Variants in GSE1 observed in about 807,000 individuals in gnomAD.
GSE1 encodes the protein genetic suppressor element 1.
A neutral mutation model predicts 112.6 loss-of-function variants in GSE1; 32 were observed. The ratio of observed to expected loss-of-function variants is 0.28; its 90% CI spans 0.21 to 0.38. GSE1 has a LOEUF of 0.38. Among genes scored for constraint, GSE1 ranks in the 10% least tolerant of loss-of-function variants. The pLI is 1.00. For synonymous variants in GSE1, 1,115 were observed against 735.6 expected (o/e 1.52, Z -8.35); for missense variants, 2,348 against 1,699.2 (o/e 1.38, Z -6.71).
intron 2 of GSE1, among the ~76,000 whole-genome samples, chr16:85,457,651 G>T (rs1483022503): frequency 6.6e-6 from 1 of 152,214 alleles, no homozygotes; most frequent in Non-Finnish European, 1.5e-5. Context: ...GAAGCTGCCA[G>T]CCAGGTCCTC....
chr16:85,669,302 A>T (rs1165276530), intron 14 of GSE1, among the ~76,000 whole-genome samples: 2 of 152,176 alleles, frequency 1.3e-5, no homozygotes, highest in African/African-American at 4.8e-5. Flanking sequence ...GTCCTAGAGG[A>T]CTCTTTATCA....
intron 1 of GSE1, among the ~76,000 whole-genome samples, chr16:85,618,456 G>T (rs749615012): frequency 6.6e-5 from 10 of 152,202 alleles, no homozygotes; most frequent in African/African-American, 2.4e-4. Context: ...GTGTCGATCA[G>T]TGCATCTGAC....
In GSE1 at chr16:85,648,636, C is replaced by T; in HGVS notation, c.311C>T (p.Pro104Leu). Residue 104 changes from proline to leucine, a missense_variant, in exon 3 of 16, where the codon CCC (proline) becomes CTC (leucine). Transcript: ENST00000253458. ...CCCGCCAGCACACCCAAGCGCGTGC[C>T]CATGGGCCCTATCATCGTCCCCCCT... ...SSPASTPKRVPMGPIIVPPGG... is the reference protein window; with the variant it reads ...SSPASTPKRVLMGPIIVPPGG... 1 of 1,603,916 alleles carries T rather than the reference C, an allele frequency of 6.2e-7. No homozygotes were observed. Among genetic ancestry groups the T allele is most frequent in the Non-Finnish European group, 8.5e-7 (1 of 1,172,986 alleles).
intron 1 of GSE1, chr16:85,283,637 C>G (rs895275439): frequency 6.6e-6 from 1 of 152,278 alleles, no homozygotes; most frequent in Non-Finnish European, 1.5e-5. Context: ...GTTTGATGCA[C>G]GCTGCAACCT....
At chr16:85,267,872 C>G (rs993801873) in intron 1 of GSE1, among the ~76,000 whole-genome samples, 3 of 152,212 alleles carry the variant, frequency 2.0e-5, no homozygotes, top group African/African-American at 7.2e-5. Flanking sequence ...GATTCAAACC[C>G]CAGCTCTGCC....
rs117580888 is a variant in GSE1 at position 85,317,667 on chromosome 16, G to A, written c.2284-39796G>A. ...CATCCATGCGCCCTGCACAGCCCCCGAGGCCCCTGGCAAGATTGAGCCCCG... is the reference window on the plus strand; with the variant it reads ...CATCCATGCGCCCTGCACAGCCCCCAAGGCCCCTGGCAAGATTGAGCCCCG... On this transcript the variant is annotated intron_variant, in intron 1 of 2. Transcript: ENST00000637419. 6.1e-3 allele frequency among the ~76,000 whole-genome samples: 935 copies of A among 152,040 alleles called. 8 individuals carry two copies. The highest frequency in any genetic ancestry group is 0.011 in the Non-Finnish European group (735 of 67,984).
chr16:85,456,772 T>C (rs992396641), intron 2 of GSE1, among the ~76,000 whole-genome samples: 2 of 152,156 alleles, frequency 1.3e-5, no homozygotes, highest in South Asian at 4.1e-4. Context: ...GCTAGGAGGC[T>C]GCTGTGGCGA....
At chr16:85,186,862 C>T (rs1377148892) in intron 1 of GSE1, among the ~76,000 whole-genome samples, 2 of 152,226 alleles carry the variant, frequency 1.3e-5, no homozygotes, top group Non-Finnish European at 2.9e-5. Flanking sequence ...AAAGAAATAG[C>T]AGCGATGGTT....
chr16:85,606,676 G>C (rs554488821), upstream of GSE1, among the ~76,000 whole-genome samples: 7 of 152,374 alleles, frequency 4.6e-5, no homozygotes, highest in Admixed American at 1.3e-4. Flanking sequence ...TGGGATCCCT[G>C]TGGCTTGCCT....
At chr16:85,576,485 C>A (rs946606305) in intron 1 of GSE1, among the ~76,000 whole-genome samples, 12 of 152,176 alleles carry the variant, frequency 7.9e-5, no homozygotes, top group Non-Finnish European at 1.2e-4. Context: ...CTGCTAGAGG[C>A]CTGGGGTAGA....
intron 1 of GSE1, among the ~76,000 whole-genome samples, chr16:85,264,704 G>A (rs542495437): frequency 1.3e-5 from 2 of 152,160 alleles, no homozygotes; most frequent in African/African-American, 2.4e-5. Context: ...CTCCCTGCTC[G>A]ACTTCCCAGC....
chr16:85,273,135 G>A (rs1025337151), intron 1 of GSE1, among the ~76,000 whole-genome samples: 1 of 152,210 alleles, frequency 6.6e-6, no homozygotes, highest in African/African-American at 2.4e-5. Flanking sequence ...GGGAGTTGAC[G>A]GAATGGGAGC....
intron 1 of GSE1, among the ~76,000 whole-genome samples, chr16:85,349,594 C>A (rs1294394855): frequency 6.6e-6 from 1 of 152,098 alleles, no homozygotes; most frequent in Non-Finnish European, 1.5e-5. Flanking sequence ...GCCCGCCGCC[C>A]TCCCTAGCCA....
chr16:85,280,583 A>G (rs1468785010), intron 1 of GSE1, among the ~76,000 whole-genome samples: 1 of 152,032 alleles, frequency 6.6e-6, no homozygotes, highest in Non-Finnish European at 1.5e-5. Flanking sequence ...TTTAGTAGAG[A>G]CGGGATTTTG....
Position 85,408,824 on chromosome 16 carries a change from T to C in GSE1, c.2464+51181T>C, listed in dbSNP as rs1292246583. On this transcript the variant is annotated intron_variant, in intron 2 of 2. Coordinates refer to the GSE1 transcript ENST00000637419. ...ACCGTTGCACTCAGGGCCCCCCGGA[T>C]AATCCTCACTGTTACACTCAGGCCC... Among the ~76,000 whole-genome samples the C allele has an allele frequency of 5.2e-5, 3 of 57,390 alleles. 1 individual carries two copies. The highest frequency in any genetic ancestry group is 2.5e-4 in the African/African-American group (3 of 11,850). 37.7% of individuals were successfully genotyped at this position (57,390 alleles called of 152,430 possible).
chr16:85,243,334 C>T (rs1020831724), intron 1 of GSE1, among the ~76,000 whole-genome samples: 1 of 152,224 alleles, frequency 6.6e-6, no homozygotes, highest in African/African-American at 2.4e-5. Context: ...AGGGGAGAAT[C>T]TCTTTGCTTC....
intron 2 of GSE1, among the ~76,000 whole-genome samples, chr16:85,406,934 A>G (rs1490254357): frequency 0.026 from 15 of 572 alleles, no homozygotes; most frequent in African/African-American, 0.042. Flanking sequence ...TTACACTCAG[A>G]GCCCCCCTGG....
chr16:85,372,611 C>G (rs753959293), intron 2 of GSE1, among the ~76,000 whole-genome samples: 1 of 152,150 alleles, frequency 6.6e-6, no homozygotes, highest in Non-Finnish European at 1.5e-5. Flanking sequence ...CCATCCCTGA[C>G]CATATTCAAA....
intron 1 of GSE1, among the ~76,000 whole-genome samples, chr16:85,223,836 C>G (rs1041723906): frequency 3.3e-5 from 5 of 152,084 alleles, no homozygotes; most frequent in Non-Finnish European, 7.3e-5. Context: ...AACTCCTGAT[C>G]TCAAGCGATC....
Sources: gnomAD v4.1 joint callset for allele counts (sites outside exome capture counted in the v4.1 genomes callset) on GRCh38, gnomAD v4.1.1 for gene constraint, MANE v1.5 for transcripts, NCBI Gene and HGNC (gene_info 2026-07-23, HGNC 2026-07-21) for gene names.